Variants in NINJ2 observed in about 807,000 individuals in gnomAD.
The protein encoded by NINJ2 is ninjurin 2.
A neutral mutation model predicts 11.7 loss-of-function variants in NINJ2; 12 were observed. That is an observed-to-expected ratio of 1.02 (90% confidence interval 0.66 to 1.66). NINJ2 has a LOEUF of 1.66. Among genes scored for constraint, NINJ2 ranks in the 40% most tolerant of loss-of-function variants. NINJ2 has a pLI of 0.00. For missense variants in NINJ2, 187 were observed against 181.8 expected (o/e 1.03, Z -0.16); for synonymous variants, 93 against 76.8 (o/e 1.21, Z -1.10).
chr12:612,495 T>C (rs1190328249), intron 1 of NINJ2, among the ~76,000 whole-genome samples: 2 of 152,104 alleles, frequency 1.3e-5, no homozygotes, highest in African/African-American at 2.4e-5. Flanking sequence ...GGAACTGAGA[T>C]TCACTGTTGC....
intron 1 of NINJ2, among the ~76,000 whole-genome samples, chr12:604,124 T>C (rs978997195): frequency 3.8e-4 from 58 of 152,364 alleles, no homozygotes; most frequent in African/African-American, 1.3e-3. Flanking sequence ...TGAGCTATTC[T>C]GGGTTCCTTG....
At chr12:644,009 A>G in intron 1 of NINJ2, 1 of 154,930 alleles carries the variant, frequency 6.5e-6, no homozygotes, top group Middle Eastern at 5.2e-4. Flanking sequence ...TTGCTGCCTC[A>G]GCATTAGCGG....
intron 1 of NINJ2, among the ~76,000 whole-genome samples, chr12:576,625 C>T (rs993994383): frequency 2.0e-5 from 3 of 152,252 alleles, no homozygotes; most frequent in Non-Finnish European, 4.4e-5. Flanking sequence ...TCCCAAAGTG[C>T]CGGGGCTGCA....
intron 1 of NINJ2, among the ~76,000 whole-genome samples, chr12:584,188 T>C (rs913416604): frequency 6.6e-6 from 1 of 152,208 alleles, no homozygotes; most frequent in African/African-American, 2.4e-5. Flanking sequence ...TCTTTGCAAA[T>C]GTAAATGGTC....
Position 585,883 on chromosome 12 carries a change from C to T in NINJ2, c.34-19705G>A, listed in dbSNP as rs572678146. On this transcript the variant is annotated intron_variant, in intron 1 of 3. Transcript: ENST00000305108. This position sits in a 1 kb window ranked among gnomAD's most constrained non-coding sequence, Gnocchi z 4.1. ...CCTCCATCCAGGGGCGTGGAGGAGG[C>T]TCTGTGGATCTCAGGGCCATCTCAG... The T allele has an allele frequency of 6.6e-6, 1 of 152,150 alleles. No homozygotes were observed. The highest frequency in any genetic ancestry group is 2.1e-4 in the South Asian group (1 of 4,816). The allele number at this position is 152,150 out of a possible 1,614,324, so 9.4% of individuals were successfully genotyped here. A position where few individuals can be genotyped will look rare whatever the true frequency, so the allele number is the denominator to read the frequency against.
At chr12:622,217 C>T (rs1948160950) in intron 1 of NINJ2, among the ~76,000 whole-genome samples, 2 of 150,534 alleles carry the variant, frequency 1.3e-5, no homozygotes, top group African/African-American at 2.4e-5. Flanking sequence ...GTCAGGAGAT[C>T]GAGACCACGG....
chr12:576,765 G>A (rs1481463115), intron 1 of NINJ2, among the ~76,000 whole-genome samples: 2 of 152,214 alleles, frequency 1.3e-5, no homozygotes, highest in East Asian at 3.9e-4. Context: ...GTTAATCGTG[G>A]ATTTACCTAC....
chr12:635,840 C>T (rs181746184), intron 1 of NINJ2, among the ~76,000 whole-genome samples: 2 of 152,330 alleles, frequency 1.3e-5, no homozygotes, highest in South Asian at 2.1e-4. Flanking sequence ...TTCGGGAGGC[C>T]GAGGCGGGCA....
rs528666626 is a variant in NINJ2, at chr12:581,987, A to G, written c.34-15809T>C. Among the ~76,000 whole-genome samples, 12 of 152,074 alleles carry G rather than the reference A, an allele frequency of 7.9e-5. No individual in the cohort carries two copies. In the South Asian group the frequency reaches 2.5e-3, roughly 32 times the overall value. ...AGCCTCTCCCTGGCTCCCTGCACTGACCCCATGTGCGGCCAGGCTCCCTGT... is the reference window on the plus strand; with the variant it reads ...AGCCTCTCCCTGGCTCCCTGCACTGGCCCCATGTGCGGCCAGGCTCCCTGT... On this transcript the variant is annotated intron_variant, in intron 1 of 3. Coordinates refer to ENST00000305108, the MANE Select transcript of NINJ2 (RefSeq NM_016533.6). The surrounding 1 kb of genome is among the most constrained non-coding windows in gnomAD (Gnocchi z 4.9).
intron 1 of NINJ2, among the ~76,000 whole-genome samples, chr12:573,287 A>C (rs1947404625): frequency 6.6e-6 from 1 of 151,908 alleles, no homozygotes; most frequent in Non-Finnish European, 1.5e-5. Flanking sequence ...TCAGCCTCCC[A>C]AAGTACTGGG....
At chr12:643,995 T>A (rs546727479) in intron 1 of NINJ2, 4 of 155,022 alleles carry the variant, frequency 2.6e-5, no homozygotes, top group Admixed American at 1.3e-4. Context: ...AACCATGGTC[T>A]TCATTGCTGC....
chr12:637,312 G>A (rs1269299508), intron 1 of NINJ2, among the ~76,000 whole-genome samples: 2 of 151,584 alleles, frequency 1.3e-5, no homozygotes, highest in African/African-American at 4.9e-5. Context: ...TTGTGCCACT[G>A]CACTCCAGCC....
chr12:601,812 A>G (rs145570683), intron 1 of NINJ2, among the ~76,000 whole-genome samples: 3,458 of 152,286 alleles, frequency 0.023, 67 homozygotes, highest in Non-Finnish European at 0.036. Context: ...GTTGCAGTGA[A>G]CCAAGATCAT....
chr12:604,049 T>C (rs186694749), intron 1 of NINJ2, among the ~76,000 whole-genome samples: 50 of 152,334 alleles, frequency 3.3e-4, no homozygotes, highest in Admixed American at 3.3e-3. Context: ...TTGATTACTG[T>C]AGCTTTGTAG....
In NINJ2 at chr12:591,424, G is replaced by C. The variant is rs1376468878; in HGVS notation, c.34-25246C>G. Among the ~76,000 whole-genome samples, 1 of 152,158 alleles carries C rather than the reference G, an allele frequency of 6.6e-6. No homozygotes were observed. Among genetic ancestry groups the C allele is most frequent in the Non-Finnish European group, 1.5e-5 (1 of 68,032 alleles). On this transcript the variant is annotated intron_variant, in intron 1 of 3. Transcript: ENST00000305108. The surrounding 1 kb of genome is among the most constrained non-coding windows in gnomAD (Gnocchi z 5.0). ...GCACACACGTCAACAACCTGGGGCT[G>C]TGCGCTCTCCTGATGCAAGGTCCTT...
intron 1 of NINJ2, among the ~76,000 whole-genome samples, chr12:596,390 C>T (rs560847272): frequency 9.9e-5 from 15 of 152,240 alleles, no homozygotes; most frequent in South Asian, 2.1e-4. Flanking sequence ...GATGTGTCAA[C>T]GCAGCTTCAT....
intron 1 of NINJ2, among the ~76,000 whole-genome samples, chr12:568,144 T>G (rs1377067200): frequency 6.6e-6 from 1 of 152,268 alleles, no homozygotes; most frequent in Non-Finnish European, 1.5e-5. Context: ...TATACATATT[T>G]TTATTGGACT....
chr12:586,827 C>A (rs1334026358), intron 1 of NINJ2, among the ~76,000 whole-genome samples: 1 of 152,162 alleles, frequency 6.6e-6, no homozygotes, highest in Admixed American at 6.5e-5. Flanking sequence ...TGTGGGGATC[C>A]CTCTGCAGTG....
intron 1 of NINJ2, among the ~76,000 whole-genome samples, chr12:661,371 G>A (rs1053192309): frequency 2.0e-5 from 3 of 152,218 alleles, no homozygotes; most frequent in Admixed American, 2.0e-4. Context: ...GTAGGCCACC[G>A]TGCCCAGCCA....
Sources: gnomAD v4.1 joint callset for allele counts (sites outside exome capture counted in the v4.1 genomes callset) on GRCh38, gnomAD v4.1.1 for gene constraint, Gnocchi (gnomAD v3.1) non-coding constraint, MANE v1.5 for transcripts, NCBI Gene and HGNC (gene_info 2026-07-23, HGNC 2026-07-21) for gene names.